Variants in IGSF21 observed in about 807,000 individuals in gnomAD.
IGSF21 encodes immunoglobin superfamily member 21.
IGSF21 carries 28 observed loss-of-function variants against 46.8 expected under a neutral mutation model. That is an observed-to-expected ratio of 0.60 (90% CI 0.44 to 0.82). The LOEUF is 0.82. Ranked by LOEUF, IGSF21 falls within the 40% of genes least tolerant of loss-of-function variation. IGSF21 has a pLI of 0.00. For missense variants in IGSF21, 624 were observed against 665.5 expected, an observed-to-expected ratio of 0.94 and a Z score of 0.69; for synonymous variants, 284 against 273.6, an observed-to-expected ratio of 1.04 and a Z score of -0.38.
chr1:18,123,488 T>C (rs147105859), intron 1 of IGSF21, among the ~76,000 whole-genome samples: 1 of 152,310 alleles, frequency 6.6e-6, no homozygotes, highest in Non-Finnish European at 1.5e-5. Flanking sequence ...TCATAGTCTC[T>C]TGGGGCTGAT....
chr1:18,131,376 G>A (rs895195734), intron 1 of IGSF21, among the ~76,000 whole-genome samples: 3 of 152,130 alleles, frequency 2.0e-5, no homozygotes, highest in South Asian at 2.1e-4. Context: ...TAAAGTGAAC[G>A]GATGAAGGAT....
chr1:18,308,825 G>A (rs1389616775), intron 3 of IGSF21, among the ~76,000 whole-genome samples: 1 of 152,132 alleles, frequency 6.6e-6, no homozygotes, highest in Non-Finnish European at 1.5e-5. Context: ...CTGAGTCCAT[G>A]CCCAGGACCT....
At chr1:18,358,299 C>T (rs1351921099) in intron 4 of IGSF21, among the ~76,000 whole-genome samples, 1 of 152,104 alleles carries the variant, frequency 6.6e-6, no homozygotes, top group African/African-American at 2.4e-5. Context: ...TTTCTAATAA[C>T]CGCATTAAGA....
At chr1:18,225,085 T>TCTCTCTCTCACACACACACACA in intron 1 of IGSF21, among the ~76,000 whole-genome samples, 7 of 51,606 alleles carry the variant, frequency 1.4e-4, no homozygotes, top group East Asian at 1.1e-3. Context: ...TCTCTCTCTC[T>TCTCTCTCTCACACACACACACA]CACACACACA....
intron 6 of IGSF21, among the ~76,000 whole-genome samples, chr1:18,366,600 C>A (rs1211818209): frequency 6.6e-6 from 1 of 152,120 alleles, no homozygotes; most frequent in African/African-American, 2.4e-5. Context: ...TTCGAGAATT[C>A]TGAAAGTCAT....
At chr1:18,364,543 C>T (rs2086139940) in intron 5 of IGSF21, among the ~76,000 whole-genome samples, 1 of 151,922 alleles carries the variant, frequency 6.6e-6, no homozygotes, top group Non-Finnish European at 1.5e-5. Flanking sequence ...CATCCAATCC[C>T]CTCAGGAATC....
chr1:18,225,085 T>TCTCTCTCTCTCTCTCTCTCTCTCACACA, intron 1 of IGSF21, among the ~76,000 whole-genome samples: 13 of 51,606 alleles, frequency 2.5e-4, no homozygotes, highest in African/African-American at 2.8e-4. Context: ...TCTCTCTCTC[T>TCTCTCTCTCTCTCTCTCTCTCTCACACA]CACACACACA....
chr1:18,301,180 A>C (rs888160257), intron 3 of IGSF21, among the ~76,000 whole-genome samples: 1 of 152,236 alleles, frequency 6.6e-6, no homozygotes, highest in Non-Finnish European at 1.5e-5. Flanking sequence ...TCACTTGTCC[A>C]AGGTCAAGCA....
At chr1:18,252,105 C>G (rs1188495612) in intron 2 of IGSF21, among the ~76,000 whole-genome samples, 1 of 117,580 alleles carries the variant, frequency 8.5e-6, no homozygotes. Context: ...GGCTGGAGTG[C>G]AGTGGTGCAA....
chr1:18,224,154 G>T (rs561172054), intron 1 of IGSF21, among the ~76,000 whole-genome samples: 2 of 152,254 alleles, frequency 1.3e-5, no homozygotes, highest in Middle Eastern at 3.4e-3. Flanking sequence ...TGCACTGCAG[G>T]CCCCTTGCTT....
intron 6 of IGSF21, among the ~76,000 whole-genome samples, chr1:18,372,494 A>T (rs1256880051): frequency 6.6e-6 from 1 of 151,394 alleles, no homozygotes; most frequent in Non-Finnish European, 1.5e-5. Flanking sequence ...AATGAATAAA[A>T]TGAATGCTTG....
At chr1:18,279,517 T>G (rs1268980784) in intron 2 of IGSF21, among the ~76,000 whole-genome samples, 1 of 152,140 alleles carries the variant, frequency 6.6e-6, no homozygotes, top group Non-Finnish European at 1.5e-5. Flanking sequence ...GGAAGAGAAC[T>G]TAGCAATCAG....
At position 18,365,766 on chromosome 1, in the gene IGSF21, G is replaced by A; in HGVS notation, c.1015+69G>A. On this transcript the variant is annotated intron_variant, in intron 6 of 9. Coordinates refer to ENST00000251296, the MANE Select transcript of IGSF21 (RefSeq NM_032880.5). This position sits in a 1 kb window ranked among gnomAD's most constrained non-coding sequence, Gnocchi z 4.8. Reference sequence around the variant, plus strand: ...GGGTGTGGGGAGAGCCTTGGAATAGGGTTCCTGGGCTGAGGACAGCCATGG... The same window carrying A: ...GGGTGTGGGGAGAGCCTTGGAATAGAGTTCCTGGGCTGAGGACAGCCATGG... 3 of 1,345,520 alleles carry A rather than the reference G, an allele frequency of 2.2e-6. No homozygotes were observed. The highest frequency in any genetic ancestry group is 3.1e-6 in the Non-Finnish European group (3 of 971,546). 83.3% of individuals were successfully genotyped at this position (1,345,520 alleles called of 1,614,324 possible). A position where few individuals can be genotyped will look rare whatever the true frequency, so the allele number is the denominator to read the frequency against.
intron 1 of IGSF21, chr1:18,115,928 AGG>A (rs2086186898): frequency 1.3e-5 from 2 of 150,902 alleles, no homozygotes; most frequent in African/African-American, 4.9e-5. Flanking sequence ...GGAGGGAGGG[AGG>A]AGCAAGCATT....
At chr1:18,317,343 G>C (rs2085553356) in intron 3 of IGSF21, among the ~76,000 whole-genome samples, 2 of 152,156 alleles carry the variant, frequency 1.3e-5, no homozygotes, top group Admixed American at 1.3e-4. Flanking sequence ...TACAGATTAA[G>C]AGACATTGCA....
At chr1:18,340,452 T>C (rs2085820909) in intron 4 of IGSF21, among the ~76,000 whole-genome samples, 2 of 152,206 alleles carry the variant, frequency 1.3e-5, no homozygotes, top group Non-Finnish European at 2.9e-5. Flanking sequence ...AGTGATTCAG[T>C]GACTTACTGA....
chr1:18,117,310 G>A (rs2086196795), intron 1 of IGSF21, among the ~76,000 whole-genome samples: 1 of 152,202 alleles, frequency 6.6e-6, no homozygotes, highest in Admixed American at 6.5e-5. Flanking sequence ...GCACAGCCTT[G>A]AATGAGACTG....
chr1:18,226,899 G>A (rs571138456), intron 1 of IGSF21, among the ~76,000 whole-genome samples: 19 of 152,322 alleles, frequency 1.2e-4, no homozygotes, highest in East Asian at 5.8e-4. Flanking sequence ...GGTTCCCCTC[G>A]GAACTGCGGT....
intron 2 of IGSF21, among the ~76,000 whole-genome samples, chr1:18,271,844 AGCT>A (rs2085045832): frequency 6.6e-6 from 1 of 152,176 alleles, no homozygotes; most frequent in African/African-American, 2.4e-5. Flanking sequence ...ATGGGTGAGT[AGCT>A]GGCATGGAGG....
Sources: allele counts gnomAD v4.1 joint callset (sites outside exome capture counted in the v4.1 genomes callset), GRCh38; gene constraint gnomAD v4.1.1; non-coding constraint Gnocchi (gnomAD v3.1); transcripts MANE v1.5; gene names NCBI Gene and HGNC (gene_info 2026-07-23, HGNC 2026-07-21).